ELMO1: variants seen among roughly 807,000 people sequenced by gnomAD.
The protein encoded by ELMO1 is engulfment and cell motility 1.
Under a neutral mutation model 98.9 loss-of-function variants are expected in ELMO1, and 26 were observed. The observed-to-expected ratio is 0.26, with a 90% confidence interval of 0.19 to 0.36. The LOEUF (loss-of-function observed/expected upper bound fraction) is 0.36, where lower values mean the gene tolerates loss of function less well. ELMO1 is among the 10% of genes least tolerant of loss of function. The pLI is 1.00. For synonymous variants in ELMO1, 346 were observed against 346.0 expected (o/e 1.00, Z 0.00); for missense variants, 627 against 935.2 (o/e 0.67, Z 4.30).
intron 13 of ELMO1, among the ~76,000 whole-genome samples, chr7:37,142,872 T>C (rs183460574): frequency 3.8e-3 from 576 of 152,294 alleles, no homozygotes; most frequent in Middle Eastern, 6.8e-3. Context: ...CAAAGCTATA[T>C]GTTAGTGAAG....
chr7:37,360,690 T>C (rs1022415066), intron 1 of ELMO1, among the ~76,000 whole-genome samples: 2 of 152,240 alleles, frequency 1.3e-5, no homozygotes, highest in Middle Eastern at 3.4e-3. Context: ...CCCAACTGAG[T>C]AGTAAGGCCT....
In ELMO1 at chr7:37,353,840, C is replaced by T. The variant is rs191938435; in HGVS notation, c.-73-11077G>A. Among the ~76,000 whole-genome samples the T allele has an allele frequency of 1.0e-3, 156 of 152,270 alleles. 2 individuals carry two copies. In the East Asian group the frequency reaches 0.025, roughly 25 times the overall value. On this transcript the variant is annotated intron_variant, in intron 1 of 21. Coordinates refer to ENST00000310758, the MANE Select transcript of ELMO1 (RefSeq NM_014800.11). Reference sequence around the variant, plus strand: ...GATTGGTGTATTTACAATCCTTTAGCGAGACACAAAAGTTCTCCAAGTCCC... The same window carrying T: ...GATTGGTGTATTTACAATCCTTTAGTGAGACACAAAAGTTCTCCAAGTCCC...
chr7:36,982,567 C>G (rs1791158277), intron 16 of ELMO1, among the ~76,000 whole-genome samples: 1 of 152,138 alleles, frequency 6.6e-6, no homozygotes, highest in South Asian at 2.1e-4. Flanking sequence ...AAAATGTCTT[C>G]TACACATTTA....
intron 4 of ELMO1, among the ~76,000 whole-genome samples, chr7:37,292,028 G>A (rs1477290508): frequency 8.0e-6 from 1 of 125,062 alleles, no homozygotes; most frequent in Non-Finnish European, 1.8e-5. Context: ...CTGCCATCTC[G>A]GCTCACTGCA....
At chr7:37,421,837 T>G (rs1804486220) in intron 1 of ELMO1, among the ~76,000 whole-genome samples, 1 of 152,212 alleles carries the variant, frequency 6.6e-6, no homozygotes, top group African/African-American at 2.4e-5. Flanking sequence ...ACCATTTTCA[T>G]TGGTCAAAAC....
At chr7:37,064,235 C>T (rs1796829310) in intron 15 of ELMO1, among the ~76,000 whole-genome samples, 2 of 152,198 alleles carry the variant, frequency 1.3e-5, no homozygotes, top group African/African-American at 4.8e-5. Flanking sequence ...CATAAATTTT[C>T]TACTGTCTTT....
intron 13 of ELMO1, among the ~76,000 whole-genome samples, chr7:37,140,983 A>C (rs1006905147): frequency 1.2e-4 from 18 of 152,230 alleles, no homozygotes; most frequent in African/African-American, 3.4e-4. Flanking sequence ...AGGTTCCTTA[A>C]AGAACTAAAA....
chr7:37,422,647 A>G (rs1562682293), intron 1 of ELMO1, among the ~76,000 whole-genome samples: 1 of 152,250 alleles, frequency 6.6e-6, no homozygotes, highest in Non-Finnish European at 1.5e-5. Flanking sequence ...AGCAGGCAAC[A>G]CTTGCCTTCC....
rs369940941 is a variant in ELMO1 at position 36,875,059 on chromosome 7, T to C, written c.1822+2951A>G. On this transcript the variant is annotated intron_variant, in intron 19 of 21. Coordinates refer to ENST00000310758, the MANE Select transcript of ELMO1 (RefSeq NM_014800.11). ...GGGCACAAGACACTCTCTGCCTTGG[T>C]CTCAAGAGAGGGCAATGTTATGTGG... Among the ~76,000 whole-genome samples the C allele has an allele frequency of 7.2e-5, 11 of 152,310 alleles. No individual in the cohort carries two copies. The East Asian group carries it at 1.9e-3, about 27-fold the overall frequency.
chr7:36,962,980 C>G (rs1405628787), intron 16 of ELMO1, among the ~76,000 whole-genome samples: 2 of 152,152 alleles, frequency 1.3e-5, no homozygotes, highest in Non-Finnish European at 2.9e-5. Context: ...AATGTTCACG[C>G]AGTATTATTT....
chr7:37,122,775 C>A (rs1410455911), intron 14 of ELMO1, among the ~76,000 whole-genome samples: 1 of 152,170 alleles, frequency 6.6e-6, no homozygotes, highest in South Asian at 2.1e-4. Flanking sequence ...CAGCTCTCCA[C>A]CAAGCGGACC....
chr7:37,031,413 A>G (rs1794875028), intron 15 of ELMO1, among the ~76,000 whole-genome samples: 1 of 152,190 alleles, frequency 6.6e-6, no homozygotes, highest in South Asian at 2.1e-4. Context: ...AATGAAAAAC[A>G]TAAACTGTTT....
chr7:37,056,997 CAAGAT>C (rs1584576398), intron 15 of ELMO1, among the ~76,000 whole-genome samples: 1 of 152,024 alleles, frequency 6.6e-6, no homozygotes, highest in Admixed American at 6.6e-5. Context: ...ATGTCCAACA[CAAGAT>C]AAGTACTCAA....
At chr7:36,904,562 G>A (rs1783819447) in intron 16 of ELMO1, among the ~76,000 whole-genome samples, 1 of 152,180 alleles carries the variant, frequency 6.6e-6, no homozygotes. Context: ...CTCAGACACA[G>A]GCCATGAATA....
chr7:36,916,263 C>T (rs758303134), intron 16 of ELMO1, among the ~76,000 whole-genome samples: 3 of 152,272 alleles, frequency 2.0e-5, no homozygotes, highest in Non-Finnish European at 2.9e-5. Context: ...CATCTTTGCA[C>T]GAGCAGGGAG....
At chr7:37,261,701 C>T (rs1584887935) in intron 5 of ELMO1, among the ~76,000 whole-genome samples, 1 of 152,282 alleles carries the variant, frequency 6.6e-6, no homozygotes, top group South Asian at 2.1e-4. Flanking sequence ...CTCCCAGATT[C>T]AAGCGATTCT....
intron 10 of ELMO1, among the ~76,000 whole-genome samples, chr7:37,219,669 G>A (rs1793486365): frequency 6.6e-6 from 1 of 152,196 alleles, no homozygotes; most frequent in Non-Finnish European, 1.5e-5. Flanking sequence ...TGGATGGGAT[G>A]CTTTGCAGGT....
intron 13 of ELMO1, among the ~76,000 whole-genome samples, chr7:37,176,083 A>T (rs1393414342): frequency 6.6e-6 from 1 of 152,212 alleles, no homozygotes; most frequent in Non-Finnish European, 1.5e-5. Flanking sequence ...CAGTCTTTGG[A>T]TATAGCTGAG....
At chr7:37,140,700 C>T (rs575110348) in intron 13 of ELMO1, among the ~76,000 whole-genome samples, 6 of 152,136 alleles carry the variant, frequency 3.9e-5, no homozygotes, top group Non-Finnish European at 7.4e-5. Flanking sequence ...AAAAAACAAT[C>T]CCACCAAAAA....
Sources: gnomAD v4.1 joint callset for allele counts (sites outside exome capture counted in the v4.1 genomes callset) on GRCh38, gnomAD v4.1.1 for gene constraint, MANE v1.5 for transcripts, NCBI Gene and HGNC (gene_info 2026-07-23, HGNC 2026-07-21) for gene names.